The following VAT1L variants were observed in gnomAD, a reference collection of about 807,000 sequenced individuals.
VAT1L encodes vesicle amine transport 1 like.
A neutral mutation model predicts 44.1 loss-of-function variants in VAT1L; 34 were observed. That is an observed-to-expected ratio of 0.77 (90% CI 0.59 to 1.03). VAT1L has a LOEUF of 1.03. VAT1L is among the 50% of genes least tolerant of loss of function. The pLI, the probability that VAT1L is intolerant of heterozygous loss-of-function variation, is 0.00. For missense variants in VAT1L, 615 were observed against 538.8 expected (o/e 1.14, Z -1.40); for synonymous variants, 253 against 202.2 (o/e 1.25, Z -2.13).
At chr16:77,854,314 A>G (rs1050936632) in intron 3 of VAT1L, among the ~76,000 whole-genome samples, 1 of 152,122 alleles carries the variant, frequency 6.6e-6, no homozygotes, top group Non-Finnish European at 1.5e-5. Flanking sequence ...CTTTGCAGTG[A>G]CAAACAAAGA....
intron 7 of VAT1L, among the ~76,000 whole-genome samples, chr16:77,955,679 C>A (rs1383334635): frequency 6.7e-6 from 1 of 149,050 alleles, no homozygotes; most frequent in Non-Finnish European, 1.5e-5. Flanking sequence ...GAGCTGAGAT[C>A]GCAACACTAC....
rs1014891176 is a variant in VAT1L, at chr16:77,870,508, A to G, written c.723-5862A>G. Among the ~76,000 whole-genome samples the G allele has an allele frequency of 3.3e-5, 5 of 152,286 alleles. No homozygotes were observed. In the East Asian group the frequency reaches 5.8e-4, roughly 18 times the overall value. Reference sequence around the variant, plus strand: ...TGCCACTCAAGAGAAATTCTTCCCTAATCTGTGTGGGCAAGAAGGAAAGAG... The same window carrying G: ...TGCCACTCAAGAGAAATTCTTCCCTGATCTGTGTGGGCAAGAAGGAAAGAG... On this transcript the variant is annotated intron_variant, in intron 4 of 8. Transcript: ENST00000302536.
chr16:77,870,070 T>A (rs930627835), intron 4 of VAT1L, among the ~76,000 whole-genome samples: 1 of 152,114 alleles, frequency 6.6e-6, no homozygotes, highest in African/African-American at 2.4e-5. Flanking sequence ...GCGAAGTACA[T>A]ATGGGAACTA....
chr16:77,866,215 T>C (rs927647883), intron 4 of VAT1L, among the ~76,000 whole-genome samples: 53 of 152,342 alleles, frequency 3.5e-4, no homozygotes, highest in African/African-American at 1.3e-3. Context: ...TCATTGTAAG[T>C]GCTCAGCACA....
chr16:77,876,504 C>A, intron 5 of VAT1L, 31 bp downstream of exon 5: 1 of 1,589,252 alleles, frequency 6.3e-7, no homozygotes, highest in South Asian at 1.1e-5. Flanking sequence ...GGGACGTGGT[C>A]AGCAATAGGT....
chr16:77,853,797 C>T (rs1167239799), intron 3 of VAT1L, among the ~76,000 whole-genome samples: 1 of 152,072 alleles, frequency 6.6e-6, no homozygotes, highest in African/African-American at 2.4e-5. Flanking sequence ...AAAAATAAGA[C>T]ACTGTCCACC....
At chr16:77,863,394 C>T (rs2016936797) in intron 4 of VAT1L, among the ~76,000 whole-genome samples, 1 of 152,226 alleles carries the variant, frequency 6.6e-6, no homozygotes, top group Admixed American at 6.5e-5. Flanking sequence ...TAGTCTAGCA[C>T]TACTGCTCAG....
At position 77,817,145 on chromosome 16, in the gene VAT1L, GGCGT is replaced by G; in HGVS notation, c.363+98_363+101del. The G allele has an allele frequency of 2.7e-6, 4 of 1,498,804 alleles. No individual in the cohort carries two copies. The South Asian group carries it at 5.3e-5, about 20-fold the overall frequency. 92.8% of individuals were successfully genotyped at this position (1,498,804 alleles called of 1,614,324 possible). ...GAAAGAAATGTCTGAAATAACCTAT[GGCGT>G]GCATTATTATCATTGTCTTCTTATT... On this transcript the variant is annotated intron_variant, in intron 2 of 8. Transcript: ENST00000302536.
chr16:77,860,041 G>A (rs78585502), intron 3 of VAT1L, among the ~76,000 whole-genome samples: 1 of 152,130 alleles, frequency 6.6e-6, no homozygotes, highest in African/African-American at 2.4e-5. Context: ...CGGACACAGA[G>A]TGTCATAGAG....
At chr16:77,881,849 G>C (rs1351506367) in intron 6 of VAT1L, among the ~76,000 whole-genome samples, 9 of 152,264 alleles carry the variant, frequency 5.9e-5, no homozygotes, top group Non-Finnish European at 1.3e-4. Context: ...GATGTTGACA[G>C]ACTGCTGTGG....
chr16:77,926,804 T>A (rs914563018), intron 7 of VAT1L, among the ~76,000 whole-genome samples: 3 of 152,108 alleles, frequency 2.0e-5, no homozygotes, highest in Non-Finnish European at 4.4e-5. Context: ...CACAGACATG[T>A]CCCATTCCGC....
At chr16:77,799,553 GT>G (rs1374912980) in intron 1 of VAT1L, among the ~76,000 whole-genome samples, 109 of 124,494 alleles carry the variant, frequency 8.8e-4, no homozygotes, top group African/African-American at 3.2e-3. Flanking sequence ...GTGTGTGTGT[GT>G]GTGGTGTGTA....
intron 7 of VAT1L, among the ~76,000 whole-genome samples, chr16:77,943,027 G>A (rs1042962434): frequency 1.4e-5 from 2 of 140,494 alleles, no homozygotes; most frequent in East Asian, 2.2e-4. Context: ...TTACAGGTGT[G>A]AGCCACTGTG....
chr16:77,888,055 T>C (rs1419901840), intron 7 of VAT1L, among the ~76,000 whole-genome samples: 3 of 152,162 alleles, frequency 2.0e-5, no homozygotes, highest in African/African-American at 7.2e-5. Context: ...TCCTTCTATT[T>C]TGAACACTCC....
intron 8 of VAT1L, among the ~76,000 whole-genome samples, chr16:77,975,528 C>T (rs945237647): frequency 4.6e-5 from 7 of 152,192 alleles, no homozygotes; most frequent in African/African-American, 1.7e-4. Flanking sequence ...AGTCTCAGCC[C>T]TCACTCAGCC....
chr16:77,979,991 G>A lies in VAT1L; in HGVS notation c.*2296G>A, dbSNP rs1192351184. ...TCTGTAATTTAAGCTTGATAGAAGTGAACTGAAACATTGTCTAATGTCTTT... is the reference window on the plus strand; with the variant it reads ...TCTGTAATTTAAGCTTGATAGAAGTAAACTGAAACATTGTCTAATGTCTTT... On this transcript the variant is annotated 3_prime_UTR_variant, in exon 9 of 9. Coordinates refer to ENST00000302536, the MANE Select transcript of VAT1L (RefSeq NM_020927.3). 1 of 152,628 alleles carries A rather than the reference G, an allele frequency of 6.6e-6. No homozygotes were observed. The highest frequency in any genetic ancestry group is 1.5e-5 in the Non-Finnish European group (1 of 68,030). 9.5% of individuals were successfully genotyped at this position (152,628 alleles called of 1,614,324 possible).
At chr16:77,915,825 G>A (rs868808598) in intron 7 of VAT1L, among the ~76,000 whole-genome samples, 7 of 152,292 alleles carry the variant, frequency 4.6e-5, no homozygotes, top group Middle Eastern at 3.4e-3. Flanking sequence ...GTGTATTTGG[G>A]ACCCCAGAAC....
chr16:77,849,705 G>C lies in VAT1L; in HGVS notation c.580-13043G>C, dbSNP rs531494584. Among the ~76,000 whole-genome samples the C allele has an allele frequency of 2.6e-5, 4 of 152,280 alleles. No individual in the cohort carries two copies. The Middle Eastern group carries it at 0.014, about 518-fold the overall frequency. On this transcript the variant is annotated intron_variant, in intron 3 of 8. Coordinates refer to ENST00000302536, the MANE Select transcript of VAT1L (RefSeq NM_020927.3). ...ATGAATAGAACTAAACATCCCAGTA[G>C]GAATTTCTATCTGGAGACCTGGCCA...
At chr16:77,828,159 G>A (rs562790767) in intron 3 of VAT1L, among the ~76,000 whole-genome samples, 8 of 152,294 alleles carry the variant, frequency 5.3e-5, no homozygotes, top group African/African-American at 1.9e-4. Context: ...CGGGATGGGT[G>A]GGGCACTGTC....
Sources: gnomAD v4.1 joint callset for allele counts (sites outside exome capture counted in the v4.1 genomes callset) on GRCh38, gnomAD v4.1.1 for gene constraint, MANE v1.5 for transcripts, NCBI Gene and HGNC (gene_info 2026-07-23, HGNC 2026-07-21) for gene names.